LRRC40: variants seen among roughly 807,000 people sequenced by gnomAD.
LRRC40 encodes the protein leucine rich repeat containing 40.
Under a neutral mutation model 72.8 loss-of-function variants are expected in LRRC40, and 76 were observed. That is an observed-to-expected ratio of 1.04 (90% confidence interval 0.87 to 1.26). The LOEUF is 1.26. LRRC40 is among the 50% of genes most tolerant of loss of function. The probability of loss-of-function intolerance (pLI) is 0.00; values close to 1 mark genes in which losing one functional copy is unlikely to be tolerated. For synonymous variants in LRRC40, 243 were observed against 254.2 expected (o/e 0.96, Z 0.42); for missense variants, 684 against 698.9 (o/e 0.98, Z 0.24).
chr1:70,200,926 CT>C (rs1558131125), intron 1 of LRRC40, among the ~76,000 whole-genome samples: 2 of 152,146 alleles, frequency 1.3e-5, no homozygotes, highest in Non-Finnish European at 2.9e-5. Context: ...AATCCAAGCA[CT>C]TTGGGAGACT....
At chr1:70,183,968 T>C (rs535619942) in intron 4 of LRRC40, among the ~76,000 whole-genome samples, 1 of 152,284 alleles carries the variant, frequency 6.6e-6, no homozygotes, top group East Asian at 1.9e-4. Flanking sequence ...ATAATACGAC[T>C]AGACTAGCAG....
intron 9 of LRRC40, among the ~76,000 whole-genome samples, chr1:70,164,696 A>C (rs1667841604): frequency 6.6e-6 from 1 of 152,198 alleles, no homozygotes. Context: ...TGCTCTTCTT[A>C]CAAGGGTCTT....
intron 2 of LRRC40, 102 bp downstream of exon 2, chr1:70,188,990 T>C: frequency 1.1e-6 from 1 of 931,294 alleles, no homozygotes; most frequent in Non-Finnish European, 1.6e-6. Flanking sequence ...TATCTGTCCT[T>C]GCATTACCAA....
intron 2 of LRRC40, among the ~76,000 whole-genome samples, chr1:70,187,983 T>C (rs1668405660): frequency 6.6e-6 from 1 of 151,966 alleles, no homozygotes; most frequent in Admixed American, 6.6e-5. Context: ...AAAGAAGAGA[T>C]GAGGGGGTTA....
At chr1:70,189,532 G>T (rs557527931) in intron 1 of LRRC40, among the ~76,000 whole-genome samples, 56 of 152,160 alleles carry the variant, frequency 3.7e-4, no homozygotes, top group Admixed American at 3.6e-3. Context: ...TATTTACTAG[G>T]TTTACATACA....
intron 14 of LRRC40, chr1:70,147,124 C>A (rs1667325358): frequency 6.6e-6 from 1 of 152,186 alleles, no homozygotes; most frequent in Admixed American, 6.5e-5. Context: ...CAATGTGTGG[C>A]ACTTCCGAGG....
chr1:70,149,837 T>TA (rs1218932679), intron 13 of LRRC40, among the ~76,000 whole-genome samples: 7 of 152,234 alleles, frequency 4.6e-5, no homozygotes, highest in Non-Finnish European at 7.3e-5. Context: ...ATACACTTGT[T>TA]ATAAGGATTA....
chr1:70,188,816 A>G (rs1033361261), intron 2 of LRRC40, among the ~76,000 whole-genome samples: 5 of 152,194 alleles, frequency 3.3e-5, no homozygotes, highest in African/African-American at 1.2e-4. Flanking sequence ...AAATTTTTAA[A>G]TAGGTAGTAG....
In LRRC40 at chr1:70,178,982, A is replaced by C. The variant is rs966520351; in HGVS notation, c.673T>G (p.Leu225Val). The C allele has an allele frequency of 2.5e-6, 4 of 1,596,956 alleles. No individual in the cohort carries two copies. Among genetic ancestry groups the C allele is most frequent in the Non-Finnish European group, 3.4e-6 (4 of 1,169,808 alleles). The change falls in exon 6 of 15, where the codon TTG becomes GTG. Residue 225 changes from leucine (L) to valine (V), a missense_variant. Physicochemically the swap from Leu to Val is conservative, Grantham distance 32. Coordinates refer to ENST00000370952, the MANE Select transcript of LRRC40 (RefSeq NM_017768.5). ...EINRMKRLKHLDCNSNLLETI... is the reference protein window; with the variant it reads ...EINRMKRLKHVDCNSNLLETI... ...TCCAAGAGATTTGAATTACAATCCA[A>C]ATGCTTCAACCCTGTAATATATATT...
At chr1:70,189,869 A>G (rs1668453939) in intron 1 of LRRC40, among the ~76,000 whole-genome samples, 1 of 152,240 alleles carries the variant, frequency 6.6e-6, no homozygotes, top group South Asian at 2.1e-4. Flanking sequence ...CAAGTACCAC[A>G]GATGTGATTC....
intron 5 of LRRC40, among the ~76,000 whole-genome samples, chr1:70,180,802 A>G (rs368247835): frequency 3.2e-4 from 49 of 152,256 alleles, no homozygotes; most frequent in East Asian, 2.9e-3. Context: ...ATGAATGTTG[A>G]ATGAATGAAT....
At chr1:70,158,489 G>T (rs907101972) in intron 10 of LRRC40, among the ~76,000 whole-genome samples, 12 of 152,088 alleles carry the variant, frequency 7.9e-5, no homozygotes, top group African/African-American at 2.7e-4. Flanking sequence ...TTATGTTTTT[G>T]TTGTTGTTGC....
chr1:70,150,861 A>C (rs112562858), intron 13 of LRRC40, among the ~76,000 whole-genome samples: 1 of 152,216 alleles, frequency 6.6e-6, no homozygotes. Flanking sequence ...CTATCCTTCC[A>C]TTAGAGCAAT....
intron 4 of LRRC40, among the ~76,000 whole-genome samples, chr1:70,181,766 C>T (rs1668252057): frequency 6.6e-6 from 1 of 151,970 alleles, no homozygotes; most frequent in Non-Finnish European, 1.5e-5. Context: ...AGAAGTCTAC[C>T]CTCTACTCTT....
chr1:70,179,135 T>C (rs1668185839), intron 5 of LRRC40, 142 bp from the exon 6 acceptor site: 1 of 419,766 alleles, frequency 2.4e-6, no homozygotes, highest in Non-Finnish European at 4.3e-6. Flanking sequence ...CAAACACCAC[T>C]GAATTAAATA....
intron 1 of LRRC40, among the ~76,000 whole-genome samples, chr1:70,199,224 C>CACAA (rs761695991): frequency 0.01 from 1,254 of 119,896 alleles, 9 homozygotes; most frequent in Non-Finnish European, 0.017. Context: ...CTCACACACA[C>CACAA]ACACACACAC....
chr1:70,148,339 G>A, intron 14 of LRRC40, 148 bp downstream of exon 14: 1 of 646,702 alleles, frequency 1.5e-6, no homozygotes, highest in South Asian at 2.3e-5. Context: ...AAACAGAATT[G>A]GGACTCTGGG....
intron 9 of LRRC40, among the ~76,000 whole-genome samples, chr1:70,164,284 T>C (rs974899841): frequency 6.6e-6 from 1 of 151,788 alleles, no homozygotes; most frequent in Non-Finnish European, 1.5e-5. Flanking sequence ...CAGCTACTCA[T>C]GAGGCTGAGG....
intron 2 of LRRC40, 23 bp from the exon 3 acceptor site, chr1:70,187,361 G>A: frequency 8.4e-7 from 1 of 1,187,358 alleles, no homozygotes; most frequent in Middle Eastern, 1.9e-4. Flanking sequence ...AAAAGACAAA[G>A]TCAATATTCT....
Sources: allele counts gnomAD v4.1 joint callset (sites outside exome capture counted in the v4.1 genomes callset), GRCh38; gene constraint gnomAD v4.1.1; transcripts MANE v1.5; gene names NCBI Gene and HGNC (gene_info 2026-07-23, HGNC 2026-07-21).